The following TSHZ1 variants were observed in gnomAD, a reference collection of about 807,000 sequenced individuals.
TSHZ1 encodes the protein teashirt homolog 1.
TSHZ1 carries 12 observed loss-of-function variants against 67.1 expected under a neutral mutation model. The observed-to-expected ratio is 0.18, with a 90% CI of 0.11 to 0.29. TSHZ1 has a LOEUF of 0.29. Among genes scored for constraint, TSHZ1 ranks in the 10% least tolerant of loss-of-function variants. TSHZ1 has a pLI of 1.00. For synonymous variants in TSHZ1, 632 were observed against 622.4 expected (o/e 1.02, Z -0.23); for missense variants, 1,305 against 1,413.9 (o/e 0.92, Z 1.23).
In TSHZ1 at chr18:75,286,912, C is replaced by T; in HGVS notation, c.1505C>T (p.Pro502Leu). The T allele has an allele frequency of 6.2e-7, 1 of 1,614,168 alleles. No homozygotes were observed. The highest frequency in any genetic ancestry group is 8.5e-7 in the Non-Finnish European group (1 of 1,180,022). The stretch of plus-strand genomic sequence containing the variant: ...ACGACTTCTGAAGAAAAGAAAGAGC[C>T]AGAGAAGGAGAAGCCGCCTGTGGCT... ...GSTTSEEKKE[P>L]EKEKPPVAGD... Residue 502 changes from proline (P) to leucine (L), a missense_variant, in exon 2 of 2, where the codon CCA becomes CTA. Pro to Leu is a moderately conservative substitution (Grantham distance 98). Coordinates refer to ENST00000580243, the MANE Select transcript of TSHZ1 (RefSeq NM_001308210.2). The surrounding 1 kb of genome is among the most constrained non-coding windows in gnomAD (Gnocchi z 5.1).
intron 1 of TSHZ1, among the ~76,000 whole-genome samples, chr18:75,258,056 C>T (rs551340472): frequency 6.6e-6 from 1 of 152,160 alleles, no homozygotes; most frequent in African/African-American, 2.4e-5. Context: ...TCGACCTGCT[C>T]CTAGGACCCA....
At position 75,286,645 on chromosome 18, in the gene TSHZ1, C is replaced by A; in HGVS notation, c.1238C>A (p.Ala413Glu). Residue 413 changes from alanine to glutamate, a missense_variant, in exon 2 of 2, where the codon GCG becomes GAG. By Grantham distance (107) the Ala-to-Glu change is moderately radical (BLOSUM62 -1). This residue lies in a region of TSHZ1 where 909 missense variants were observed against 961.8 expected (regional missense o/e 0.95). Transcript: ENST00000580243. The surrounding 1 kb of genome is among the most constrained non-coding windows in gnomAD (Gnocchi z 5.1). ...ACCTGGCAGTTTGAGGCCCGCAAGG[C>A]GCAGATCCTCAAGTGCATGGAGTGT... ...SYTWQFEARK[A>E]QILKCMECGS... 1 of 1,614,230 alleles carries A rather than the reference C, an allele frequency of 6.2e-7. No homozygotes were observed. The highest frequency in any genetic ancestry group is 2.2e-5 in the East Asian group (1 of 44,882).
chr18:75,247,967 A>C (rs556654838), intron 1 of TSHZ1, among the ~76,000 whole-genome samples: 1 of 151,878 alleles, frequency 6.6e-6, no homozygotes, highest in African/African-American at 2.4e-5. Context: ...AGTAAATCCT[A>C]GGCTTCCGGT....
intron 1 of TSHZ1, chr18:75,280,955 T>TG (rs2023677222): frequency 2.5e-6 from 1 of 398,274 alleles, no homozygotes; most frequent in Admixed American, 6.4e-5. Flanking sequence ...CGGGGAGGGC[T>TG]GGCATCCAGA....
At chr18:75,237,959 T>A (rs1039559884) in intron 1 of TSHZ1, among the ~76,000 whole-genome samples, 4 of 152,142 alleles carry the variant, frequency 2.6e-5, no homozygotes, top group Non-Finnish European at 4.4e-5. Flanking sequence ...ATTACAGGCC[T>A]GTGCCACCAT....
chr18:75,257,190 C>T (rs978005604), intron 1 of TSHZ1, among the ~76,000 whole-genome samples: 2 of 152,160 alleles, frequency 1.3e-5, no homozygotes, highest in Non-Finnish European at 2.9e-5. Flanking sequence ...ATGAACTAAC[C>T]TCCTTCATTG....
intron 1 of TSHZ1, among the ~76,000 whole-genome samples, chr18:75,243,947 C>G (rs1289433356): frequency 6.6e-6 from 1 of 152,158 alleles, no homozygotes; most frequent in Admixed American, 6.5e-5. Context: ...CCAGGCCGCT[C>G]AAACTCCATG....
intron 1 of TSHZ1, among the ~76,000 whole-genome samples, chr18:75,257,300 A>G (rs2023372812): frequency 6.6e-6 from 1 of 152,212 alleles, no homozygotes; most frequent in African/African-American, 2.4e-5. Context: ...AGAAGATGCT[A>G]AACTTTTTTA....
intron 1 of TSHZ1, among the ~76,000 whole-genome samples, chr18:75,223,816 G>T (rs564927998): frequency 6.6e-6 from 1 of 151,920 alleles, no homozygotes; most frequent in Non-Finnish European, 1.5e-5. Flanking sequence ...TTAGAAGGCC[G>T]CTATCCTGTG....
At chr18:75,251,999 C>T (rs2023310265) in intron 1 of TSHZ1, among the ~76,000 whole-genome samples, 1 of 152,160 alleles carries the variant, frequency 6.6e-6, no homozygotes, top group Non-Finnish European at 1.5e-5. Context: ...TCCCATCATC[C>T]AGAAATTACC....
intron 1 of TSHZ1, among the ~76,000 whole-genome samples, chr18:75,250,348 C>T (rs1168862436): frequency 1.3e-5 from 2 of 152,238 alleles, no homozygotes; most frequent in African/African-American, 4.8e-5. Flanking sequence ...GCAGGAGCTT[C>T]TCCCCGCAGA....
intron 1 of TSHZ1, among the ~76,000 whole-genome samples, chr18:75,244,305 C>T (rs950805680): frequency 6.6e-6 from 1 of 152,234 alleles, no homozygotes; most frequent in Non-Finnish European, 1.5e-5. Context: ...TTGTTATTCA[C>T]ACCGTAAAGT....
At chr18:75,273,156 C>G (rs1267459654) in intron 1 of TSHZ1, among the ~76,000 whole-genome samples, 1 of 152,224 alleles carries the variant, frequency 6.6e-6, no homozygotes, top group Non-Finnish European at 1.5e-5. Flanking sequence ...TCTATTGTTG[C>G]TTCAGCTCTT....
intron 1 of TSHZ1, among the ~76,000 whole-genome samples, chr18:75,216,046 C>T (rs768194885): frequency 1.3e-5 from 2 of 152,096 alleles, no homozygotes; most frequent in Non-Finnish European, 2.9e-5. Context: ...CATTCATTCA[C>T]TAAGAGATTT....
intron 1 of TSHZ1, among the ~76,000 whole-genome samples, chr18:75,254,837 G>C (rs1256370131): frequency 1.3e-5 from 2 of 152,144 alleles, no homozygotes; most frequent in Non-Finnish European, 2.9e-5. Context: ...GCTTTAAATA[G>C]TGTGGCAAAA....
At chr18:75,272,609 T>C (rs967785645) in intron 1 of TSHZ1, among the ~76,000 whole-genome samples, 4 of 152,242 alleles carry the variant, frequency 2.6e-5, no homozygotes, top group Admixed American at 2.6e-4. Flanking sequence ...CTTGGCTTGC[T>C]AGTGCTATTT....
intron 1 of TSHZ1, among the ~76,000 whole-genome samples, chr18:75,244,349 C>T (rs140284250): frequency 1.3e-5 from 2 of 152,172 alleles, no homozygotes; most frequent in African/African-American, 4.8e-5. Flanking sequence ...TTCATTCTTG[C>T]AACAACCATT....
intron 1 of TSHZ1, among the ~76,000 whole-genome samples, chr18:75,280,582 C>T (rs2023672550): frequency 6.6e-6 from 1 of 152,214 alleles, no homozygotes; most frequent in East Asian, 1.9e-4. Flanking sequence ...CAGTGACTCG[C>T]TTTCAAATCA....
At chr18:75,264,027 C>T (rs2023461176) in intron 1 of TSHZ1, among the ~76,000 whole-genome samples, 1 of 152,198 alleles carries the variant, frequency 6.6e-6, no homozygotes, top group South Asian at 2.1e-4. Flanking sequence ...CTGATGCTAA[C>T]CATAGAATAG....
Sources: gnomAD v4.1 joint callset for allele counts (sites outside exome capture counted in the v4.1 genomes callset) on GRCh38, gnomAD v4.1.1 for gene constraint, gnomAD v4.1.1 regional missense constraint, Gnocchi (gnomAD v3.1) non-coding constraint, MANE v1.5 for transcripts, NCBI Gene and HGNC (gene_info 2026-07-23, HGNC 2026-07-21) for gene names.